The following FAAP20 variants were observed in gnomAD, a reference collection of about 807,000 sequenced individuals.
FAAP20 encodes the protein Fanconi anemia core complex-associated protein 20.
In FAAP20, 12 loss-of-function variants were observed where a neutral mutation model predicts 16.2. The observed-to-expected ratio is 0.74, with a 90% CI of 0.48 to 1.20. FAAP20 has a LOEUF of 1.20. FAAP20 is among the 50% of genes most tolerant of loss of function. FAAP20 has a pLI of 0.00. For missense variants in FAAP20, 288 were observed against 245.8 expected, an observed-to-expected ratio of 1.17 and a Z score of -1.15; for synonymous variants, 141 against 110.7, an observed-to-expected ratio of 1.27 and a Z score of -1.72.
At chr1:2,198,799 G>C, upstream of FAAP20, 1 of 1,289,590 alleles carries the variant, frequency 7.8e-7, no homozygotes, top group Non-Finnish European at 1.0e-6. Context: ...TTCTGACGCA[G>C]CCAGGAACTG....
At chr1:2,202,037 A>G (rs562213793), upstream of FAAP20, among the ~76,000 whole-genome samples, 395 of 151,396 alleles carry the variant, frequency 2.6e-3, 3 homozygotes, top group African/African-American at 9.1e-3. Context: ...AAAAAAGAAG[A>G]AGAAGAAGAA....
chr1:2,200,916 C>T (rs1462595515), upstream of FAAP20: 1 of 1,131,480 alleles, frequency 8.8e-7, no homozygotes. Flanking sequence ...GAAGGTCTGG[C>T]TTCTCGGCTC....
upstream of FAAP20, chr1:2,194,787 C>CG (rs1688721528): frequency 9.6e-7 from 1 of 1,040,990 alleles, no homozygotes; most frequent in South Asian, 4.6e-5. Context: ...GCAAGCCCCG[C>CG]CCCCGCCCCT....
At chr1:2,212,436 C>T (rs1405581927) in exon 2 of FAAP20, 1 of 154,166 alleles carries the variant, frequency 6.5e-6, no homozygotes, top group Admixed American at 6.5e-5. Context: ...GAGGCGCAGC[C>T]GTGGCCCACA....
Position 2,189,625 on chromosome 1 carries a change from T to A in FAAP20, c.*84A>T. ...CGGGGGAGCCGAGAGGCGGGGCTGC[T>A]GGCGGGGGAGCCGAGAGGCGGGGCT... On this transcript the variant is annotated 3_prime_UTR_variant, in exon 4 of 4. Coordinates refer to ENST00000378546, the MANE Select transcript of FAAP20 (RefSeq NM_182533.4). The A allele has an allele frequency of 9.6e-7, 1 of 1,043,998 alleles. No homozygotes were observed. Among genetic ancestry groups the A allele is most frequent in the Non-Finnish European group, 1.4e-6 (1 of 722,098 alleles). The allele number at this position is 1,043,998 out of a possible 1,614,324, so 64.7% of individuals were successfully genotyped here. A position where few individuals can be genotyped will look rare whatever the true frequency, so the allele number is the denominator to read the frequency against.
upstream of FAAP20, among the ~76,000 whole-genome samples, chr1:2,204,433 A>C (rs977658715): frequency 6.6e-6 from 1 of 152,256 alleles, no homozygotes; most frequent in Non-Finnish European, 1.5e-5. Context: ...CTTTCTCCAC[A>C]TAATGAGAGC....
downstream of FAAP20, chr1:2,184,960 G>A (rs763283232): frequency 6.2e-7 from 1 of 1,614,000 alleles, no homozygotes; most frequent in Non-Finnish European, 8.5e-7. Context: ...GAGTTCGAAG[G>A]CTTTGAGTAT....
chr1:2,187,814 G>A (rs565014818), downstream of FAAP20, among the ~76,000 whole-genome samples: 52 of 152,270 alleles, frequency 3.4e-4, no homozygotes, highest in Admixed American at 9.8e-4. Context: ...CCAGGGCACC[G>A]TCAGTCCCGT....
intron 3 of FAAP20, chr1:2,192,783 A>G (rs1212063072): frequency 1.8e-6 from 2 of 1,116,086 alleles, no homozygotes; most frequent in East Asian, 1.2e-4. Flanking sequence ...CCAGGCATGT[A>G]AAGATGGGAT....
At chr1:2,206,605 G>GGGC (rs1221357505) in exon 2 of FAAP20, 1 of 152,178 alleles carries the variant, frequency 6.6e-6, no homozygotes, top group East Asian at 1.9e-4. Flanking sequence ...AGGCCGAGGC[G>GGGC]GGCGGATCAC....
chr1:2,192,653 AC>A lies in FAAP20; in HGVS notation c.470+985del. 2.5e-6 allele frequency: 3 copies of A among 1,188,580 alleles called. No homozygotes were observed. The Admixed American group carries it at 1.1e-4, about 42-fold the overall frequency. The allele number at this position is 1,188,580 out of a possible 1,614,324, so 73.6% of individuals were successfully genotyped here. On this transcript the variant is annotated intron_variant, in intron 3 of 3. Transcript: ENST00000378546. ...CCGTGATTCAGGGTCTTACTCTGTC[AC>A]CCAGGCTGGAGTGCAGTGGTGCAAT...
intron 3 of FAAP20, chr1:2,190,201 G>A (rs1688038278): frequency 4.3e-6 from 2 of 465,168 alleles, no homozygotes; most frequent in Admixed American, 4.7e-5. Flanking sequence ...GAGTAAACAT[G>A]GCTGGGCAGT....
chr1:2,207,930 G>A (rs1468930077), downstream of FAAP20, among the ~76,000 whole-genome samples: 1 of 90,400 alleles, frequency 1.1e-5, no homozygotes, highest in Non-Finnish European at 2.9e-5. Context: ...GTGTGTGTGT[G>A]TGTGTGTGTG....
downstream of FAAP20, among the ~76,000 whole-genome samples, chr1:2,188,292 T>C (rs915612719): frequency 6.6e-5 from 10 of 152,100 alleles, no homozygotes; most frequent in African/African-American, 2.4e-4. Context: ...CGGATCTGGG[T>C]GAACCAGATG....
upstream of FAAP20, chr1:2,201,086 G>A: frequency 7.8e-7 from 1 of 1,289,252 alleles, no homozygotes; most frequent in African/African-American, 1.5e-5. Context: ...ATAGGAAACT[G>A]TGCTTGGTGC....
chr1:2,186,134 CTGAG>C (rs781526057), downstream of FAAP20: 2 of 450,420 alleles, frequency 4.4e-6, no homozygotes, highest in Admixed American at 2.4e-5. Context: ...CCTCATGCCT[CTGAG>C]TGAGGCCTGG....
downstream of FAAP20, among the ~76,000 whole-genome samples, chr1:2,187,586 G>C (rs986087067): frequency 6.6e-6 from 1 of 152,220 alleles, no homozygotes; most frequent in Non-Finnish European, 1.5e-5. Flanking sequence ...TTACAGGCGT[G>C]AGCTACCGCG....
At chr1:2,186,506 G>C (rs262686), downstream of FAAP20, among the ~76,000 whole-genome samples, 45,422 of 93,666 alleles carry the variant, frequency 0.48, 8,948 homozygotes, top group Admixed American at 0.53. Context: ...GCCCCCCCCC[G>C]GCCAGCTCAG....
upstream of FAAP20, chr1:2,198,617 G>A: frequency 8.6e-7 from 1 of 1,164,982 alleles, no homozygotes; most frequent in Non-Finnish European, 1.1e-6. Flanking sequence ...CGGTGGCCGT[G>A]CACCCTCCCA....
Sources: gnomAD v4.1 joint callset for allele counts (sites outside exome capture counted in the v4.1 genomes callset) on GRCh38, gnomAD v4.1.1 for gene constraint, MANE v1.5 for transcripts, NCBI Gene and HGNC (gene_info 2026-07-23, HGNC 2026-07-21) for gene names.